PCDHA4: variants seen among roughly 807,000 people sequenced by gnomAD.
PCDHA4 encodes protocadherin alpha 4.
A neutral mutation model predicts 61.4 loss-of-function variants in PCDHA4; 49 were observed. The observed-to-expected ratio is 0.80, with a 90% CI of 0.63 to 1.01. The LOEUF (loss-of-function observed/expected upper bound fraction) is 1.01. PCDHA4 is among the 50% of genes least tolerant of loss of function. The probability of loss-of-function intolerance (pLI) is 0.00; values close to 1 mark genes in which losing one functional copy is unlikely to be tolerated. For synonymous variants in PCDHA4, 590 were observed against 550.3 expected, an observed-to-expected ratio of 1.07 and a Z score of -1.01; for missense variants, 1,254 against 1,235.8, an observed-to-expected ratio of 1.01 and a Z score of -0.22.
At chr5:140,881,388 G>A (rs2058697659) in intron 1 of PCDHA4, 1 of 983,292 alleles carries the variant, frequency 1.0e-6, no homozygotes, top group Non-Finnish European at 1.2e-6. Context: ...GCGGCGGTAA[G>A]TTAAATTCTA....
intron 1 of PCDHA4, chr5:140,927,681 G>A: frequency 6.2e-7 from 1 of 1,614,180 alleles, no homozygotes; most frequent in Non-Finnish European, 8.5e-7. Flanking sequence ...CAGATGAAGG[G>A]TCCAATGGGG....
At chr5:140,854,159 C>CAAAAAA (rs59855104) in intron 1 of PCDHA4, 412 of 341,018 alleles carry the variant, frequency 1.2e-3, no homozygotes, top group Non-Finnish European at 1.4e-3. Flanking sequence ...GATTCTGTCT[C>CAAAAAA]AAAAAAAAAA....
intron 1 of PCDHA4, among the ~76,000 whole-genome samples, chr5:140,911,275 G>C (rs1048648150): frequency 2.0e-5 from 3 of 152,164 alleles, no homozygotes; most frequent in African/African-American, 7.2e-5. Context: ...AGTGTCCCCA[G>C]CTTCATCAGG....
rs2150124604 is a variant in PCDHA4 at position 140,823,315 on chromosome 5, G to C, written c.2385+13743G>C. 2.4e-5 allele frequency: 39 copies of C among 1,612,268 alleles called. No homozygotes were observed. The Admixed American group carries it at 5.5e-4, about 23-fold the overall frequency. On this transcript the variant is annotated intron_variant, in intron 1 of 3. Transcript: ENST00000530339. ...TTACGTTTCGGTGCACGCGGAGAGC[G>C]GCAAGGTGTACGCGCTGCAGCCGCT...
At chr5:140,848,736 A>G (rs1339313623) in intron 1 of PCDHA4, 1 of 1,592,708 alleles carries the variant, frequency 6.3e-7, no homozygotes. Context: ...AAATCTGCAG[A>G]ATGGCATTTT....
intron 1 of PCDHA4, chr5:140,856,950 T>C: frequency 6.3e-7 from 1 of 1,593,338 alleles, no homozygotes; most frequent in Non-Finnish European, 8.6e-7. Flanking sequence ...ACGGGAGAAA[T>C]AAAAGTAAAT....
rs2150195630 is a variant in PCDHA4, at chr5:140,831,520, CTTTTTT to C, written c.2385+21967_2385+21972del. Among the ~76,000 whole-genome samples, 55 of 122,392 alleles carry C rather than the reference CTTTTTT, an allele frequency of 4.5e-4. No individual in the cohort carries two copies. The Middle Eastern group carries it at 0.013, about 28-fold the overall frequency. 80.3% of individuals were successfully genotyped at this position (122,392 alleles called of 152,430 possible). On this transcript the variant is annotated intron_variant, in intron 1 of 3. Transcript: ENST00000530339. ...ACACGAGCACCACCATGCCCCCCAC[CTTTTTT>C]TTTTTTTTTTTTTTTTTTAAGAGAT...
chr5:140,823,594 TC>T (rs2150127257), intron 1 of PCDHA4: 2 of 1,613,998 alleles, frequency 1.2e-6, no homozygotes, highest in Non-Finnish European at 1.7e-6. Context: ...CGCTTGGCTT[TC>T]GTATGAGCTG....
chr5:140,878,420 A>G (rs2057587520), intron 1 of PCDHA4, among the ~76,000 whole-genome samples: 1 of 152,236 alleles, frequency 6.6e-6, no homozygotes, highest in African/African-American at 2.4e-5. Flanking sequence ...TATTTCAAGT[A>G]GGAATAGATA....
intron 1 of PCDHA4, among the ~76,000 whole-genome samples, chr5:140,890,852 C>G (rs2153432069): frequency 6.6e-6 from 1 of 152,254 alleles, no homozygotes; most frequent in South Asian, 2.1e-4. Flanking sequence ...TGTTTCTCTT[C>G]CTTACTTCTT....
At chr5:140,965,400 G>A (rs782574003) in intron 1 of PCDHA4, among the ~76,000 whole-genome samples, 1 of 152,154 alleles carries the variant, frequency 6.6e-6, no homozygotes, top group Non-Finnish European at 1.5e-5. Context: ...GAAGTCTAAG[G>A]AGTCTTATAT....
chr5:140,823,446 G>A, intron 1 of PCDHA4: 1 of 1,613,446 alleles, frequency 6.2e-7, no homozygotes, highest in South Asian at 1.1e-5. Flanking sequence ...TGCTGGACGA[G>A]AACGACAACG....
intron 1 of PCDHA4, chr5:140,843,640 C>G: frequency 6.3e-7 from 1 of 1,595,494 alleles, no homozygotes; most frequent in Non-Finnish European, 8.6e-7. Flanking sequence ...TGGCCTTCAG[C>G]CCCTGCCTTC....
rs373307820 is a variant in PCDHA4 at position 140,857,638 on chromosome 5, A to G, written c.2385+48066A>G. The G allele has an allele frequency of 1.1e-4, 174 of 1,596,206 alleles. 22 individuals are homozygous for G. The highest frequency in any genetic ancestry group is 1.4e-4 in the Non-Finnish European group (161 of 1,167,602). ...TGGACCACGAGGAGCTGGAGCTGCT[A>G]CAGTTCCAGGTGAGCGCGCGCGATG... is the stretch of plus-strand genomic sequence containing the variant. On this transcript the variant is annotated intron_variant, in intron 1 of 3. Transcript: ENST00000530339.
chr5:140,858,506 A>C (rs1581511575), intron 1 of PCDHA4: 1 of 1,447,272 alleles, frequency 6.9e-7, no homozygotes, highest in Non-Finnish European at 9.5e-7. Context: ...CATTTTCTCA[A>C]ATATGTATCA....
At chr5:140,853,981 T>C (rs1380460625) in intron 1 of PCDHA4, 1 of 543,664 alleles carries the variant, frequency 1.8e-6, no homozygotes, top group East Asian at 1.4e-4. Context: ...GAGACCAATG[T>C]AGTGAGACTC....
chr5:140,830,986 C>T (rs1391216672), intron 1 of PCDHA4: 8 of 152,242 alleles, frequency 5.3e-5, no homozygotes, highest in Admixed American at 5.2e-4. Context: ...GAACTCTGAT[C>T]ATCATAGTTT....
At chr5:140,926,722 C>A in intron 1 of PCDHA4, 1 of 1,027,126 alleles carries the variant, frequency 9.7e-7, no homozygotes, top group East Asian at 3.0e-5. Flanking sequence ...CCCGGCAATG[C>A]CGGCGTTCGG....
intron 3 of PCDHA4, among the ~76,000 whole-genome samples, chr5:140,985,935 T>C (rs1563529145): frequency 6.6e-6 from 1 of 151,974 alleles, no homozygotes; most frequent in African/African-American, 2.4e-5. Context: ...GAGCCGGGGT[T>C]TCACTGTGTT....
Sources: gnomAD v4.1 joint callset for allele counts (sites outside exome capture counted in the v4.1 genomes callset) on GRCh38, gnomAD v4.1.1 for gene constraint, MANE v1.5 for transcripts, NCBI Gene and HGNC (gene_info 2026-07-23, HGNC 2026-07-21) for gene names.